The following RALYL variants were observed in gnomAD, a reference collection of about 807,000 sequenced individuals.
RALYL encodes RALY RNA binding protein like.
A neutral mutation model predicts 35.1 loss-of-function variants in RALYL; 29 were observed. That is an observed-to-expected ratio of 0.83 (90% CI 0.61 to 1.13). The LOEUF (loss-of-function observed/expected upper bound fraction) is 1.13. Ranked by LOEUF, RALYL falls within the 50% of genes most tolerant of loss-of-function variation. RALYL has a pLI of 0.00. For synonymous variants in RALYL, 120 were observed against 127.6 expected, an observed-to-expected ratio of 0.94 and a Z score of 0.40; for missense variants, 359 against 360.4, an observed-to-expected ratio of 1.00 and a Z score of 0.03.
At chr8:84,446,253 C>A (rs1186843543) in intron 1 of RALYL, among the ~76,000 whole-genome samples, 1 of 151,760 alleles carries the variant, frequency 6.6e-6, no homozygotes, top group East Asian at 1.9e-4. Flanking sequence ...TATTGAACTA[C>A]CCATAATGGG....
intron 2 of RALYL, among the ~76,000 whole-genome samples, chr8:84,766,286 C>T (rs1186466525): frequency 6.6e-6 from 1 of 152,008 alleles, no homozygotes; most frequent in Non-Finnish European, 1.5e-5. Context: ...GAGTTAAATG[C>T]AAGTGAATCT....
At chr8:84,791,613 T>C (rs1278532604) in intron 3 of RALYL, among the ~76,000 whole-genome samples, 4 of 152,046 alleles carry the variant, frequency 2.6e-5, no homozygotes, top group Non-Finnish European at 4.4e-5. Flanking sequence ...AGGCAGGAGA[T>C]GGTGATGTGG....
intron 1 of RALYL, among the ~76,000 whole-genome samples, chr8:84,368,464 G>T (rs1479230329): frequency 6.6e-6 from 1 of 152,122 alleles, no homozygotes; most frequent in East Asian, 1.9e-4. Flanking sequence ...AGTAGCATTT[G>T]GTCAGTGTAT....
At chr8:84,528,301 A>T (rs1463547895) in intron 1 of RALYL, among the ~76,000 whole-genome samples, 1 of 152,158 alleles carries the variant, frequency 6.6e-6, no homozygotes, top group Admixed American at 6.5e-5. Flanking sequence ...ACTGTAAATG[A>T]TGCATGACAA....
At chr8:84,183,148 G>A (rs1037594744), upstream of RALYL, 1 of 160,366 alleles carries the variant, frequency 6.2e-6, no homozygotes, top group Non-Finnish European at 1.4e-5. Context: ...CGGCAGAGGC[G>A]GCGGCAGCTG....
chr8:84,715,243 C>G (rs1305894791), intron 2 of RALYL, among the ~76,000 whole-genome samples: 1 of 151,696 alleles, frequency 6.6e-6, no homozygotes, highest in Non-Finnish European at 1.5e-5. Context: ...CTGTTTTAAG[C>G]ATTTTGTTAT....
chr8:84,226,866 T>C (rs1303770203), intron 1 of RALYL, among the ~76,000 whole-genome samples: 1 of 152,100 alleles, frequency 6.6e-6, no homozygotes, highest in African/African-American at 2.4e-5. Flanking sequence ...GGAGTGTGGA[T>C]CACATTGCAA....
intron 4 of RALYL, among the ~76,000 whole-genome samples, chr8:84,818,147 C>G (rs528533068): frequency 1.3e-5 from 2 of 152,038 alleles, no homozygotes; most frequent in East Asian, 3.9e-4. Flanking sequence ...AGAAAAAAAG[C>G]AAAACAGCAG....
chr8:84,411,610 A>C (rs561622210), intron 1 of RALYL, among the ~76,000 whole-genome samples: 1 of 151,954 alleles, frequency 6.6e-6, no homozygotes, highest in Non-Finnish European at 1.5e-5. Context: ...TGAGGATTAA[A>C]TGTGATAATC....
chr8:84,203,441 C>A (rs1253124870), intron 1 of RALYL, among the ~76,000 whole-genome samples: 1 of 151,974 alleles, frequency 6.6e-6, no homozygotes, highest in East Asian at 1.9e-4. Flanking sequence ...GGGTGTTCTC[C>A]CATCATGTTG....
At chr8:84,248,002 T>C (rs1163811749) in intron 1 of RALYL, among the ~76,000 whole-genome samples, 1 of 152,164 alleles carries the variant, frequency 6.6e-6, no homozygotes, top group Admixed American at 6.6e-5. Flanking sequence ...ATAAACAGTT[T>C]TTGTGCTTAA....
chr8:84,874,809 G>A (rs6984646), intron 7 of RALYL, among the ~76,000 whole-genome samples: 63,282 of 152,128 alleles, frequency 0.42, 14,707 homozygotes, highest in East Asian at 0.72. Context: ...AATGAACAAA[G>A]TGGCATATGT....
At chr8:84,224,578 A>T (rs1470132653) in intron 1 of RALYL, among the ~76,000 whole-genome samples, 1 of 152,184 alleles carries the variant, frequency 6.6e-6, no homozygotes. Flanking sequence ...TATTTAAGCT[A>T]AGTATAAAGT....
rs550108128 is a variant in RALYL at position 84,555,139 on chromosome 8, C to T, written c.256+25562C>T. Among the ~76,000 whole-genome samples the T allele has an allele frequency of 1.9e-4, 29 of 152,182 alleles. 1 individual carries two copies. The highest frequency in any genetic ancestry group is 1.0e-3 in the South Asian group (5 of 4,820). On this transcript the variant is annotated intron_variant, in intron 2 of 8. Transcript: ENST00000521268. ...ACTAAAAATACAAAAATTAGCCGGG[C>T]GTGGTGGCACACGCCTGTAATCCCA...
At chr8:84,531,657 T>A (rs1476688604) in intron 2 of RALYL, among the ~76,000 whole-genome samples, 1 of 152,126 alleles carries the variant, frequency 6.6e-6, no homozygotes, top group East Asian at 1.9e-4. Context: ...TGTATCCTGA[T>A]TGTTATGAAA....
intron 1 of RALYL, among the ~76,000 whole-genome samples, chr8:84,380,057 T>TTGTGTGTGTG (rs60900204): frequency 3.4e-5 from 5 of 147,012 alleles, no homozygotes; most frequent in Middle Eastern, 3.2e-3. Flanking sequence ...CTTCTCAAAA[T>TTGTGTGTGTG]TGTGTGTGTG....
chr8:84,312,075 G>A (rs1842922920), intron 1 of RALYL, among the ~76,000 whole-genome samples: 1 of 152,150 alleles, frequency 6.6e-6, no homozygotes, highest in African/African-American at 2.4e-5. Flanking sequence ...TTGCAATCAT[G>A]GTGGAAGGTG....
At chr8:84,277,652 A>G (rs1312285479) in intron 1 of RALYL, among the ~76,000 whole-genome samples, 1 of 152,228 alleles carries the variant, frequency 6.6e-6, no homozygotes, top group Non-Finnish European at 1.5e-5. Flanking sequence ...CAGTGGGGGT[A>G]CAGGCATTGG....
At chr8:84,866,287 T>G in intron 6 of RALYL, among the ~76,000 whole-genome samples, 1 of 152,136 alleles carries the variant, frequency 6.6e-6, no homozygotes, top group East Asian at 1.9e-4. Flanking sequence ...TGTTCCATAG[T>G]ATACTACCAT....
Sources: gnomAD v4.1 joint callset for allele counts (sites outside exome capture counted in the v4.1 genomes callset) on GRCh38, gnomAD v4.1.1 for gene constraint, MANE v1.5 for transcripts, NCBI Gene and HGNC (gene_info 2026-07-23, HGNC 2026-07-21) for gene names.